AJAP1: variants seen among roughly 807,000 people sequenced by gnomAD.
The protein encoded by AJAP1 is adherens junction-associated protein 1.
Under a neutral mutation model 35.0 loss-of-function variants are expected in AJAP1, and 5 were observed. The observed-to-expected ratio is 0.14, with a 90% CI of 0.07 to 0.30. The LOEUF (loss-of-function observed/expected upper bound fraction) is 0.30. AJAP1 is among the 10% of genes least tolerant of loss of function. AJAP1 has a pLI of 1.00. For synonymous variants in AJAP1, 284 were observed against 249.3 expected (o/e 1.14, Z -1.31); for missense variants, 586 against 571.0 (o/e 1.03, Z -0.27).
chr1:4,773,545 G>A (rs874668), intron 4 of AJAP1, among the ~76,000 whole-genome samples: 18,306 of 152,238 alleles, frequency 0.12, 1,397 homozygotes, highest in East Asian at 0.37. Flanking sequence ...TGTCTTAGAC[G>A]TTCCCTTCCC....
intron 1 of AJAP1, among the ~76,000 whole-genome samples, chr1:4,665,572 G>C (rs1219517989): frequency 6.6e-6 from 1 of 152,168 alleles, no homozygotes; most frequent in South Asian, 2.1e-4. Flanking sequence ...TCACCCCGAC[G>C]GTCCCTGGGG....
rs35738488 is a variant in AJAP1, at chr1:4,780,633, C to CTTT, written c.*60-1900_*60-1898dup. Reference sequence around the variant, plus strand: ...TCTTTTTTCTTTTCTTTCTTTCTTTCTTTTTTTTTTTTTTGTGGGACACAG... The same window carrying CTTT: ...TCTTTTTTCTTTTCTTTCTTTCTTTCTTTTTTTTTTTTTTTTTGTGGGACACAG... On this transcript the variant is annotated intron_variant, in intron 5 of 5. Transcript: ENST00000378191. 2.5e-3 allele frequency among the ~76,000 whole-genome samples: 329 copies of CTTT among 131,460 alleles called. 4 individuals are homozygous for CTTT. Among genetic ancestry groups the CTTT allele is most frequent in the South Asian group, 2.7e-3 (11 of 4,036 alleles). 86.2% of individuals were successfully genotyped at this position (131,460 alleles called of 152,430 possible).
chr1:4,701,910 C>T (rs1446366029), intron 1 of AJAP1, among the ~76,000 whole-genome samples: 3 of 152,208 alleles, frequency 2.0e-5, no homozygotes, highest in Non-Finnish European at 2.9e-5. Flanking sequence ...CAGCCACCTT[C>T]ACCTCCCTTC....
chr1:4,704,837 A>G (rs1467491034), intron 1 of AJAP1, among the ~76,000 whole-genome samples: 2 of 152,088 alleles, frequency 1.3e-5, no homozygotes, highest in Non-Finnish European at 1.5e-5. Flanking sequence ...TGACTTTTTA[A>G]TGATCGCCAT....
intron 2 of AJAP1, 31 bp from the exon 3 acceptor site, chr1:4,769,822 G>C (rs1421918090): frequency 2.5e-6 from 4 of 1,592,462 alleles, no homozygotes; most frequent in Non-Finnish European, 3.4e-6. Flanking sequence ...TGGTTTCACG[G>C]GTGCCCTCTT....
At chr1:4,768,582 C>T (rs1641746426) in intron 2 of AJAP1, among the ~76,000 whole-genome samples, 1 of 152,232 alleles carries the variant, frequency 6.6e-6, no homozygotes, top group Non-Finnish European at 1.5e-5. Flanking sequence ...TGTTCTCACC[C>T]CAGCAGCCCA....
chr1:4,662,424 T>C (rs2100504893), intron 1 of AJAP1, among the ~76,000 whole-genome samples: 1 of 152,332 alleles, frequency 6.6e-6, no homozygotes, highest in African/African-American at 2.4e-5. Flanking sequence ...CATTCCCTTT[T>C]TGTTCCTGAA....
chr1:4,688,633 G>A (rs943773880), intron 1 of AJAP1, among the ~76,000 whole-genome samples: 2 of 152,068 alleles, frequency 1.3e-5, no homozygotes, highest in Middle Eastern at 3.4e-3. Context: ...TTAGCCGAGC[G>A]TGGTGGCGTG....
intron 1 of AJAP1, among the ~76,000 whole-genome samples, chr1:4,696,237 T>C (rs1187050292): frequency 6.6e-6 from 1 of 152,144 alleles, no homozygotes; most frequent in African/African-American, 2.4e-5. Flanking sequence ...GAAACTGTTT[T>C]TTCCCCCTTC....
In AJAP1 at chr1:4,783,393, G is replaced by A. The variant is rs145240871; in HGVS notation, c.*908G>A. 2.7e-5 allele frequency: 4 copies of A among 149,100 alleles called. No individual in the cohort carries two copies. Among genetic ancestry groups the A allele is most frequent in the African/African-American group, 7.4e-5 (3 of 40,494 alleles). The allele number at this position is 149,100 out of a possible 1,614,324, so 9.2% of individuals were successfully genotyped here. ...AAATGACAGCCTGCATTTGCTAGAC[G>A]GTTGGTGAGTGGCATCAAATGTGTG... On this transcript the variant is annotated 3_prime_UTR_variant, in exon 6 of 6. Transcript: ENST00000378191.
rs372539057 is a variant in AJAP1 at position 4,772,549 on chromosome 1, C to T, written c.1163+24C>T. Reference sequence around the variant, plus strand: ...CGGTAAGCTCGGGCTCTGCTAGACCCTGCAGCTGTGAAGCTCTTGGTGCTC... The same window carrying T: ...CGGTAAGCTCGGGCTCTGCTAGACCTTGCAGCTGTGAAGCTCTTGGTGCTC... On this transcript the variant is annotated intron_variant, in intron 4 of 5. Coordinates refer to ENST00000378191, the MANE Select transcript of AJAP1 (RefSeq NM_018836.4). The T allele has an allele frequency of 1.8e-5, 29 of 1,608,102 alleles. No individual in the cohort carries two copies. In the African/African-American group the frequency reaches 3.5e-4, roughly 19 times the overall value.
chr1:4,783,986 G>A lies in AJAP1; in HGVS notation c.*1501G>A, dbSNP rs2100380162. 1 of 152,272 alleles carries A rather than the reference G, an allele frequency of 6.6e-6. No homozygotes were observed. Among genetic ancestry groups the A allele is most frequent in the East Asian group, 1.9e-4 (1 of 5,158 alleles). 9.4% of individuals were successfully genotyped at this position (152,272 alleles called of 1,614,324 possible). ...GTGGCCCGCTTTTTCTAGGGCCCAA[G>A]GGTGACTTGGAATCTTGGGGGAAGC... On this transcript the variant is annotated 3_prime_UTR_variant, in exon 6 of 6. Coordinates refer to ENST00000378191, the MANE Select transcript of AJAP1 (RefSeq NM_018836.4).
Position 4,783,142 on chromosome 1 carries a change from A to C in AJAP1, c.*657A>C. On this transcript the variant is annotated 3_prime_UTR_variant, in exon 6 of 6. Transcript: ENST00000378191. ...ATAGGTTACAAAATCTGATTTATTT[A>C]ACATGCTTAGTATGAGCAGAATAAA... 1 of 280,834 alleles carries C rather than the reference A, an allele frequency of 3.6e-6. No homozygotes were observed. The highest frequency in any genetic ancestry group is 6.5e-6 in the Non-Finnish European group (1 of 153,312). The allele number at this position is 280,834 out of a possible 1,614,324, so 17.4% of individuals were successfully genotyped here.
At chr1:4,704,145 C>T (rs535287517) in intron 1 of AJAP1, among the ~76,000 whole-genome samples, 4 of 146,374 alleles carry the variant, frequency 2.7e-5, no homozygotes, top group Admixed American at 7.1e-5. Context: ...GTTCCAGCTG[C>T]CAAACGGGGA....
intron 2 of AJAP1, among the ~76,000 whole-genome samples, chr1:4,741,835 T>C (rs1641074764): frequency 6.6e-6 from 1 of 152,054 alleles, no homozygotes; most frequent in South Asian, 2.1e-4. Context: ...TTCCAGAAAG[T>C]AAGAAAGTAC....
rs751341447 is a variant in AJAP1, at chr1:4,712,453, A to G, written c.583A>G (p.Asn195Asp). 31 of 1,610,688 alleles carry G rather than the reference A, an allele frequency of 1.9e-5. No individual in the cohort carries two copies. The highest frequency in any genetic ancestry group is 2.5e-5 in the Non-Finnish European group (29 of 1,178,872). The change falls in exon 2 of 6, where the codon AAC becomes GAC. Residue 195 changes from asparagine (N) to aspartate (D), a missense_variant. Coordinates refer to ENST00000378191, the MANE Select transcript of AJAP1 (RefSeq NM_018836.4). ...PTGDEEALES[N>D]TFPGVYGPTT... ...GGGGGACGAGGAGGCCCTGGAGTCC[A>G]ACACATTTCCGGGCGTTTACGGCCC...
rs1192428545 is a variant in AJAP1, at chr1:4,783,688, C to G, written c.*1203C>G. ...CTGGTTGCTTACAAACGGGCCTGAG[C>G]CCCTGGTTGGGTGGGTGGTGGATTC... On this transcript the variant is annotated 3_prime_UTR_variant, in exon 6 of 6. Coordinates refer to ENST00000378191, the MANE Select transcript of AJAP1 (RefSeq NM_018836.4). The G allele has an allele frequency of 1.3e-5, 2 of 151,230 alleles. No individual in the cohort carries two copies. The highest frequency in any genetic ancestry group is 2.9e-5 in the Non-Finnish European group (2 of 67,910). 9.4% of individuals were successfully genotyped at this position (151,230 alleles called of 1,614,324 possible). A position where few individuals can be genotyped will look rare whatever the true frequency, so the allele number is the denominator to read the frequency against.
intron 1 of AJAP1, among the ~76,000 whole-genome samples, chr1:4,668,322 CTG>C (rs56871532): frequency 0.76 from 114,282 of 150,972 alleles, 43,641 homozygotes; most frequent in African/African-American, 0.79. Flanking sequence ...GAGAGCAGTG[CTG>C]TGTGTGTGTG....
Position 4,784,832 on chromosome 1 carries a change from C to T in AJAP1, c.*2347C>T, listed in dbSNP as rs1642134371. 6.6e-6 allele frequency: 1 copy of T among 152,390 alleles called. No homozygotes were observed. The highest frequency in any genetic ancestry group is 1.5e-5 in the Non-Finnish European group (1 of 68,118). 9.4% of individuals were successfully genotyped at this position (152,390 alleles called of 1,614,324 possible). On this transcript the variant is annotated 3_prime_UTR_variant, in exon 6 of 6. Transcript: ENST00000378191. ...ATGGCGCTCCAGCCTGCAGCTCTCT[C>T]TGCGCGCCATCCGGCCTCGTCCATC... is the stretch of plus-strand genomic sequence containing the variant.
Sources: gnomAD v4.1 joint callset for allele counts (sites outside exome capture counted in the v4.1 genomes callset) on GRCh38, gnomAD v4.1.1 for gene constraint, MANE v1.5 for transcripts, NCBI Gene and HGNC (gene_info 2026-07-23, HGNC 2026-07-21) for gene names.